The following LCOR variants were observed in gnomAD, a reference collection of about 807,000 sequenced individuals.
The protein encoded by LCOR is ligand-dependent corepressor.
LCOR carries 14 observed loss-of-function variants against 64.4 expected under a neutral mutation model. That is an observed-to-expected ratio of 0.22 (90% confidence interval 0.14 to 0.34). The LOEUF (loss-of-function observed/expected upper bound fraction) is 0.34. LCOR is among the 10% of genes least tolerant of loss of function. The pLI, the probability that LCOR is intolerant of heterozygous loss-of-function variation, is 1.00. For missense variants in LCOR, 1,686 were observed against 1,765.3 expected, an observed-to-expected ratio of 0.96 and a Z score of 0.80; for synonymous variants, 643 against 642.5, an observed-to-expected ratio of 1.00 and a Z score of -0.01.
chr10:96,887,896 G>T, intron 2 of LCOR, among the ~76,000 whole-genome samples: 1 of 151,346 alleles, frequency 6.6e-6, no homozygotes, highest in Non-Finnish European at 1.5e-5. Context: ...GGCCAGGCTG[G>T]TCTTGAACTC....
At chr10:96,887,781 A>G (rs1846369273) in intron 2 of LCOR, among the ~76,000 whole-genome samples, 1 of 151,046 alleles carries the variant, frequency 6.6e-6, no homozygotes, top group South Asian at 2.1e-4. Flanking sequence ...CCTGGGTTCA[A>G]GTAATTCTTC....
In LCOR at chr10:96,857,572, G is replaced by A. The variant is rs150559776; in HGVS notation, c.-330+24093G>A. Reference sequence around the variant, plus strand: ...TCAGCTGATGATCTTGTCACCTGCAGAACAGTGAAAATTTAGGCTATTGAA... The same window carrying A: ...TCAGCTGATGATCTTGTCACCTGCAAAACAGTGAAAATTTAGGCTATTGAA... On this transcript the variant is annotated intron_variant, in intron 2 of 7. Coordinates refer to ENST00000421806, the MANE Select transcript of LCOR (RefSeq NM_001346516.2). 4.4e-3 allele frequency among the ~76,000 whole-genome samples: 667 copies of A among 152,230 alleles called. 1 individual carries two copies. The highest frequency in any genetic ancestry group is 0.017 in the Middle Eastern group (5 of 294).
At chr10:96,856,710 C>T (rs548808758) in intron 2 of LCOR, among the ~76,000 whole-genome samples, 6 of 152,054 alleles carry the variant, frequency 3.9e-5, no homozygotes, top group African/African-American at 1.4e-4. Flanking sequence ...CTCCTGAGCT[C>T]AGGTGATTCT....
rs781103380 is a variant in LCOR at position 96,928,075 on chromosome 10, C to G, written c.-183-16038C>G. ...GGTCTTGTCTTGATGTTGACTGCTG[C>G]CAACTGATCAAGTTGGTGGTTGCTG... On this transcript the variant is annotated intron_variant, in intron 4 of 7. Coordinates refer to ENST00000421806, the MANE Select transcript of LCOR (RefSeq NM_001346516.2). Among the ~76,000 whole-genome samples the G allele has an allele frequency of 1.0e-3, 157 of 152,264 alleles. 1 individual carries two copies. The highest frequency in any genetic ancestry group is 3.4e-3 in the Middle Eastern group (1 of 294).
intron 2 of LCOR, among the ~76,000 whole-genome samples, chr10:96,905,773 A>G (rs1167530076): frequency 1.3e-5 from 2 of 152,170 alleles, no homozygotes; most frequent in Non-Finnish European, 2.9e-5. Context: ...TGGGAATTAA[A>G]GAGAGTTGAA....
rs940202054 is a variant in LCOR at position 96,981,672 on chromosome 10, G to A, written c.1212G>A (p.Val404=). 6.2e-7 allele frequency: 1 copy of A among 1,614,186 alleles called. No individual in the cohort carries two copies. Among genetic ancestry groups the A allele is most frequent in the African/African-American group, 1.3e-5 (1 of 75,054 alleles). Residue 404 remains valine, a synonymous_variant, in exon 8 of 8, where the codon GTG becomes GTA. Coordinates refer to ENST00000421806, the MANE Select transcript of LCOR (RefSeq NM_001346516.2). ...NHLHSLGRNK[V]GYHLHPSDKG... is the part of the protein sequence containing the mutation. ...TTCACTCTCTGGGAAGAAATAAGGT[G>A]GGTTACCATTTACATCCCAGTGATA...
At chr10:96,837,894 T>G (rs1434782270) in intron 2 of LCOR, among the ~76,000 whole-genome samples, 1 of 152,250 alleles carries the variant, frequency 6.6e-6, no homozygotes, top group Non-Finnish European at 1.5e-5. Context: ...ATATTTCCCG[T>G]AAGTCTGTCC....
intron 2 of LCOR, among the ~76,000 whole-genome samples, chr10:96,836,288 T>C (rs953978437): frequency 2.0e-5 from 3 of 152,178 alleles, no homozygotes; most frequent in African/African-American, 7.2e-5. Flanking sequence ...CTTTTATTTT[T>C]ATTTAGAGTT....
chr10:96,947,415 G>A (rs372705305), intron 5 of LCOR, among the ~76,000 whole-genome samples: 1 of 152,040 alleles, frequency 6.6e-6, no homozygotes, highest in South Asian at 2.1e-4. Context: ...TTTTGATGAT[G>A]TATTTGTTTG....
intron 7 of LCOR, among the ~76,000 whole-genome samples, chr10:96,971,423 C>T (rs573501658): frequency 2.6e-5 from 4 of 152,246 alleles, no homozygotes; most frequent in Admixed American, 2.6e-4. Flanking sequence ...AAGCTTTAGG[C>T]ACTGAGGCTA....
At chr10:96,848,151 T>C (rs1436292352) in intron 2 of LCOR, among the ~76,000 whole-genome samples, 1 of 152,208 alleles carries the variant, frequency 6.6e-6, no homozygotes, top group Non-Finnish European at 1.5e-5. Flanking sequence ...TCAAATCAAC[T>C]ATTTTGAGGA....
At chr10:96,967,037 G>A (rs147149348) in intron 7 of LCOR, among the ~76,000 whole-genome samples, 14 of 152,296 alleles carry the variant, frequency 9.2e-5, no homozygotes, top group East Asian at 1.9e-4. Flanking sequence ...ATGCCTGGCC[G>A]ACTGTAGAGG....
At chr10:96,900,688 A>G (rs949609280) in intron 2 of LCOR, among the ~76,000 whole-genome samples, 1 of 152,044 alleles carries the variant, frequency 6.6e-6, no homozygotes, top group Non-Finnish European at 1.5e-5. Flanking sequence ...TCAGGAGATC[A>G]TTATTCCCAA....
rs572351692 is a variant in LCOR at position 96,967,017 on chromosome 10, A to C, written c.333-13776A>C. Among the ~76,000 whole-genome samples the C allele has an allele frequency of 3.9e-5, 6 of 152,338 alleles. No individual in the cohort carries two copies. In the East Asian group the frequency reaches 1.2e-3, roughly 29 times the overall value. ...TTCCCTAAGTGCTAGGATTATAGGC[A>C]TGAGCCATCATGCCTGGCCGACTGT... On this transcript the variant is annotated intron_variant, in intron 7 of 7. Coordinates refer to ENST00000421806, the MANE Select transcript of LCOR (RefSeq NM_001346516.2).
chr10:96,863,238 CTG>C (rs1244624714), intron 2 of LCOR, among the ~76,000 whole-genome samples: 2 of 132,026 alleles, frequency 1.5e-5, no homozygotes, highest in Non-Finnish European at 3.2e-5. Context: ...GAGTCTCACT[CTG>C]TTGCTCAGGC....
At chr10:96,969,543 A>C (rs1272810325) in intron 7 of LCOR, among the ~76,000 whole-genome samples, 1 of 152,170 alleles carries the variant, frequency 6.6e-6, no homozygotes, top group East Asian at 1.9e-4. Context: ...CATGCTTTGT[A>C]GACTTCTTTT....
chr10:96,891,569 C>G (rs1322140653), intron 2 of LCOR, among the ~76,000 whole-genome samples: 1 of 82,914 alleles, frequency 1.2e-5, no homozygotes, highest in Non-Finnish European at 2.1e-5. Context: ...TTTTTTGAGA[C>G]AGGGTCTCTG....
chr10:96,980,087 T>C (rs1848071000), intron 7 of LCOR, among the ~76,000 whole-genome samples: 1 of 152,050 alleles, frequency 6.6e-6, no homozygotes, highest in African/African-American at 2.4e-5. Context: ...GAGGTTGCAG[T>C]GAGCCAAGCT....
intron 7 of LCOR, chr10:96,956,744 T>G: frequency 2.0e-6 from 2 of 985,568 alleles, no homozygotes; most frequent in Non-Finnish European, 2.4e-6. Context: ...GCTCCGTATT[T>G]ACTCAGGAGC....
Sources: gnomAD v4.1 joint callset for allele counts (sites outside exome capture counted in the v4.1 genomes callset) on GRCh38, gnomAD v4.1.1 for gene constraint, MANE v1.5 for transcripts, NCBI Gene and HGNC (gene_info 2026-07-23, HGNC 2026-07-21) for gene names.